The following AGAP1 variants were observed in gnomAD, a reference collection of about 807,000 sequenced individuals.
AGAP1 encodes arf-GAP with GTPase, ANK repeat and PH domain-containing protein 1.
A neutral mutation model predicts 105.3 loss-of-function variants in AGAP1; 29 were observed. The observed-to-expected ratio is 0.28, with a 90% CI of 0.21 to 0.38. The LOEUF is 0.38. Ranked by LOEUF, AGAP1 falls within the 10% of genes least tolerant of loss-of-function variation. The pLI is 1.00. For synonymous variants in AGAP1, 509 were observed against 485.9 expected (o/e 1.05, Z -0.63); for missense variants, 998 against 1,165.1 (o/e 0.86, Z 2.09).
At chr2:235,698,673 G>T (rs1287911750) in intron 1 of AGAP1, among the ~76,000 whole-genome samples, 2 of 152,144 alleles carry the variant, frequency 1.3e-5, no homozygotes, top group African/African-American at 4.8e-5. Flanking sequence ...CGCTTCTTAG[G>T]GGTGCCAGGA....
Position 235,799,384 on chromosome 2 carries a change from G to A in AGAP1, c.819G>A (p.Gly273=), listed in dbSNP as rs1957388413. The part of the protein sequence containing the change: ...VHISQTSNGG[G]SLSDYSSSVP... Reference sequence around the variant, plus strand: ...CATTTCAGACAAGTAATGGAGGTGGGAGTTTAAGCGACTATTCCTCCTCCG... The same window carrying A: ...CATTTCAGACAAGTAATGGAGGTGGAAGTTTAAGCGACTATTCCTCCTCCG... The change falls in exon 8 of 18, where the codon GGG becomes GGA. Residue 273 remains glycine (G), a synonymous_variant. Transcript: ENST00000304032. This position sits in a 1 kb window ranked among gnomAD's most constrained non-coding sequence, Gnocchi z 5.0. 1 of 1,614,062 alleles carries A rather than the reference G, an allele frequency of 6.2e-7. No homozygotes were observed. The highest frequency in any genetic ancestry group is 8.5e-7 in the Non-Finnish European group (1 of 1,179,994).
intron 1 of AGAP1, among the ~76,000 whole-genome samples, chr2:235,626,798 C>G (rs1324541363): frequency 2.0e-5 from 3 of 152,212 alleles, no homozygotes; most frequent in Non-Finnish European, 4.4e-5. Flanking sequence ...TCTCTGGCAA[C>G]TCCTCAACTC....
chr2:235,528,207 T>TC (rs1051450125), intron 1 of AGAP1, among the ~76,000 whole-genome samples: 4 of 151,218 alleles, frequency 2.6e-5, no homozygotes, highest in South Asian at 4.2e-4. Flanking sequence ...TCCTTCCCCA[T>TC]CCCCCCCACA....
At chr2:236,111,937 G>C (rs1045546111) in intron 16 of AGAP1, among the ~76,000 whole-genome samples, 2 of 152,134 alleles carry the variant, frequency 1.3e-5, no homozygotes, top group African/African-American at 4.8e-5. Flanking sequence ...TGGAGTCATC[G>C]GCAGTGTTGT....
rs115458571 is a variant in AGAP1 at position 236,045,263 on chromosome 2, G to A, written c.1892-3796G>A. On this transcript the variant is annotated intron_variant, in intron 15 of 17. Transcript: ENST00000304032. The surrounding 1 kb of genome is among the most constrained non-coding windows in gnomAD (Gnocchi z 6.9). ...CTTGGTCTGTCCTCATAGAATCTAC[G>A]TCCTGCATTTCTGTGGGCAGGGATT... is the stretch of plus-strand genomic sequence containing the variant. 1.9e-3 allele frequency among the ~76,000 whole-genome samples: 283 copies of A among 152,104 alleles called. No homozygotes were observed. The highest frequency in any genetic ancestry group is 6.4e-3 in the African/African-American group (266 of 41,486).
chr2:235,674,672 CA>C (rs1365281570), intron 1 of AGAP1, among the ~76,000 whole-genome samples: 1 of 150,212 alleles, frequency 6.7e-6, no homozygotes, highest in African/African-American at 2.4e-5. Flanking sequence ...TTGTATCAGT[CA>C]ATTACTGTAG....
chr2:236,096,645 C>G lies in AGAP1; in HGVS notation c.2115-23547C>G, dbSNP rs938167758. Among the ~76,000 whole-genome samples the G allele has an allele frequency of 3.9e-5, 6 of 152,016 alleles. No individual in the cohort carries two copies. The highest frequency in any genetic ancestry group is 7.2e-5 in the African/African-American group (3 of 41,474). On this transcript the variant is annotated intron_variant, in intron 16 of 17. Transcript: ENST00000304032. This position sits in a 1 kb window ranked among gnomAD's most constrained non-coding sequence, Gnocchi z 4.4. Reference sequence around the variant, plus strand: ...CCAGGCTGGAGTGCAGTGGCATGATCTCATCTCACTGCAACCTCTGCCTCC... The same window carrying G: ...CCAGGCTGGAGTGCAGTGGCATGATGTCATCTCACTGCAACCTCTGCCTCC...
rs1339805515 is a variant in AGAP1, at chr2:235,740,640, TTC to T, written c.311-319_311-318del. ...CAACAAGAGAATGACAATTTTAATG[TTC>T]TCTGTTTCCCAGTGAGTGAGAATTC... is the stretch of plus-strand genomic sequence containing the variant. On this transcript the variant is annotated intron_variant, in intron 3 of 17. Transcript: ENST00000304032. This position sits in a 1 kb window ranked among gnomAD's most constrained non-coding sequence, Gnocchi z 5.7. 6.6e-6 allele frequency among the ~76,000 whole-genome samples: 1 copy of T among 152,246 alleles called. No individual in the cohort carries two copies. The highest frequency in any genetic ancestry group is 1.5e-5 in the Non-Finnish European group (1 of 68,050).
intron 13 of AGAP1, among the ~76,000 whole-genome samples, chr2:236,023,638 C>A (rs921071168): frequency 1.3e-5 from 2 of 152,120 alleles, no homozygotes; most frequent in Non-Finnish European, 2.9e-5. Context: ...ATTGTCCCGT[C>A]TTTTCGGTGG....
In AGAP1 at chr2:235,717,421, G is replaced by A. The variant is rs1951172065; in HGVS notation, c.223-136G>A. 6.6e-6 allele frequency: 4 copies of A among 605,980 alleles called. No homozygotes were observed. In the South Asian group the frequency reaches 9.5e-5, roughly 14 times the overall value. The allele number at this position is 605,980 out of a possible 1,614,324, so 37.5% of individuals were successfully genotyped here. On this transcript the variant is annotated intron_variant, in intron 2 of 17. Coordinates refer to ENST00000304032, the MANE Select transcript of AGAP1 (RefSeq NM_001037131.3). ...TTACTCCAATGGAAGTATTGAATGAGCTTGTTTTTGGCCATCCAGCCAGTG... is the reference window on the plus strand; with the variant it reads ...TTACTCCAATGGAAGTATTGAATGAACTTGTTTTTGGCCATCCAGCCAGTG...
intron 13 of AGAP1, among the ~76,000 whole-genome samples, chr2:236,022,293 A>C (rs2056911459): frequency 6.6e-6 from 1 of 152,188 alleles, no homozygotes; most frequent in African/African-American, 2.4e-5. Flanking sequence ...TCACAGAATT[A>C]ATCACACTGT....
chr2:235,780,111 T>C (rs903350341), intron 6 of AGAP1, among the ~76,000 whole-genome samples: 1 of 152,110 alleles, frequency 6.6e-6, no homozygotes, highest in Non-Finnish European at 1.5e-5. Context: ...TGGGGGGGGC[T>C]GCCCCTCCCA....
rs1255560138 is a variant in AGAP1 at position 236,089,974 on chromosome 2, A to G, written c.2115-30218A>G. On this transcript the variant is annotated intron_variant, in intron 16 of 17. Transcript: ENST00000304032. This position sits in a 1 kb window ranked among gnomAD's most constrained non-coding sequence, Gnocchi z 5.6. ...AAAAAACTCACACTGCTCCTATTATAAATCAACCTTATGCCTGTACAGCAG... is the reference window on the plus strand; with the variant it reads ...AAAAAACTCACACTGCTCCTATTATGAATCAACCTTATGCCTGTACAGCAG... Among the ~76,000 whole-genome samples the G allele has an allele frequency of 2.0e-5, 3 of 152,104 alleles. No homozygotes were observed. In the East Asian group the frequency reaches 5.8e-4, roughly 29 times the overall value.
rs1349961169 is a variant in AGAP1 at position 235,612,581 on chromosome 2, G to A, written c.164-96598G>A. 6.6e-6 allele frequency among the ~76,000 whole-genome samples: 1 copy of A among 152,176 alleles called. No homozygotes were observed. Among genetic ancestry groups the A allele is most frequent in the South Asian group, 2.1e-4 (1 of 4,826 alleles). On this transcript the variant is annotated intron_variant, in intron 1 of 17. Coordinates refer to ENST00000304032, the MANE Select transcript of AGAP1 (RefSeq NM_001037131.3). This position sits in a 1 kb window ranked among gnomAD's most constrained non-coding sequence, Gnocchi z 4.3. ...GGGAAAAGAACGTGACTGTGTGGGG[G>A]TCTCCCTGACTCCTTAGAACCTGCA...
chr2:235,651,638 G>C (rs1947598735), intron 1 of AGAP1, among the ~76,000 whole-genome samples: 1 of 152,182 alleles, frequency 6.6e-6, no homozygotes, highest in Non-Finnish European at 1.5e-5. Flanking sequence ...GATTAAGCCT[G>C]TGTGCTGGTG....
rs1186036341 is a variant in AGAP1, at chr2:235,888,869, G to A, written c.1155+5420G>A. ...GTTTGGGAAAGACACCCCAGCAGTG[G>A]GGAGCTCTGGCTTTCAGTTCCTTTG... On this transcript the variant is annotated intron_variant, in intron 10 of 17. Coordinates refer to ENST00000304032, the MANE Select transcript of AGAP1 (RefSeq NM_001037131.3). This position sits in a 1 kb window ranked among gnomAD's most constrained non-coding sequence, Gnocchi z 4.8. Among the ~76,000 whole-genome samples the A allele has an allele frequency of 6.6e-6, 1 of 152,146 alleles. No homozygotes were observed. Among genetic ancestry groups the A allele is most frequent in the Non-Finnish European group, 1.5e-5 (1 of 68,026 alleles).
At chr2:235,694,018 T>G (rs1415531498) in intron 1 of AGAP1, among the ~76,000 whole-genome samples, 1 of 152,208 alleles carries the variant, frequency 6.6e-6, no homozygotes, top group Non-Finnish European at 1.5e-5. Context: ...CCATTTATCT[T>G]GAAGTCTAGT....
intron 3 of AGAP1, among the ~76,000 whole-genome samples, chr2:235,718,053 T>G (rs1380073994): frequency 6.6e-6 from 1 of 152,196 alleles, no homozygotes; most frequent in African/African-American, 2.4e-5. Flanking sequence ...GGATAAGACG[T>G]TCAGATTACC....
chr2:235,985,086 C>G (rs2055257698), intron 13 of AGAP1, among the ~76,000 whole-genome samples: 1 of 152,194 alleles, frequency 6.6e-6, no homozygotes, highest in Non-Finnish European at 1.5e-5. Flanking sequence ...AAAAGCATTC[C>G]TATTTCTCCG....
Sources: gnomAD v4.1 joint callset for allele counts (sites outside exome capture counted in the v4.1 genomes callset) on GRCh38, gnomAD v4.1.1 for gene constraint, Gnocchi (gnomAD v3.1) non-coding constraint, MANE v1.5 for transcripts, NCBI Gene and HGNC (gene_info 2026-07-23, HGNC 2026-07-21) for gene names.